FLVCR1: variants seen among roughly 807,000 people sequenced by gnomAD.
FLVCR1 encodes the protein choline/ethanolamine transporter FLVCR1.
FLVCR1 carries 34 observed loss-of-function variants against 53.6 expected under a neutral mutation model. That is an observed-to-expected ratio of 0.63 (90% CI 0.48 to 0.84). The LOEUF (loss-of-function observed/expected upper bound fraction) is 0.84, where lower values mean the gene tolerates loss of function less well. Ranked by LOEUF, FLVCR1 falls within the 40% of genes least tolerant of loss-of-function variation. The pLI is 0.00. For missense variants in FLVCR1, 677 were observed against 696.7 expected, an observed-to-expected ratio of 0.97 and a Z score of 0.32; for synonymous variants, 300 against 286.3, an observed-to-expected ratio of 1.05 and a Z score of -0.48.
At position 212,898,354 on chromosome 1, in the gene FLVCR1, G is replaced by A. The variant is rs1027348663; in HGVS notation, c.*3064G>A. ...TCAAGCAGAGTATGTCCAATCATTA[G>A]CTTCCTTTGATATTTACATTACAGG... On this transcript the variant is annotated 3_prime_UTR_variant, in exon 10 of 10. Coordinates refer to ENST00000366971, the MANE Select transcript of FLVCR1 (RefSeq NM_014053.4). 1 of 152,064 alleles carries A rather than the reference G, an allele frequency of 6.6e-6. No homozygotes were observed. The highest frequency in any genetic ancestry group is 2.4e-5 in the African/African-American group (1 of 41,408). The allele number at this position is 152,064 out of a possible 1,614,324, so 9.4% of individuals were successfully genotyped here.
chr1:212,882,150 G>A (rs1357357834), intron 3 of FLVCR1, among the ~76,000 whole-genome samples: 1 of 152,176 alleles, frequency 6.6e-6, no homozygotes, highest in East Asian at 1.9e-4. Flanking sequence ...TATATACTTA[G>A]AGAAGCTCTT....
intron 8 of FLVCR1, 36 bp from the exon 9 acceptor site, chr1:212,894,950 A>T (rs1558123492): frequency 6.9e-7 from 1 of 1,443,302 alleles, no homozygotes; most frequent in Non-Finnish European, 9.8e-7. Context: ...ATCTTCACAT[A>T]ACAGTTTATA....
chr1:212,888,663 AC>A, intron 7 of FLVCR1, 69 bp downstream of exon 7: 1 of 1,157,276 alleles, frequency 8.6e-7, no homozygotes, highest in Non-Finnish European at 1.3e-6. Context: ...AATGAGTTTG[AC>A]CATGGTTTTA....
At chr1:212,874,414 T>A (rs898911953) in intron 3 of FLVCR1, among the ~76,000 whole-genome samples, 10 of 152,364 alleles carry the variant, frequency 6.6e-5, no homozygotes, top group Non-Finnish European at 1.5e-4. Context: ...GTTATCTCCT[T>A]GTTTAGGTTA....
In FLVCR1 at chr1:212,872,710, C is replaced by G. The variant is rs1360250179; in HGVS notation, c.916C>G (p.Gln306Glu). Residue 306 changes from glutamine (Q) to glutamate (E), a missense_variant, in exon 3 of 10, where the codon CAG (glutamine) becomes GAG (glutamate). Transcript: ENST00000366971. The stretch of plus-strand genomic sequence containing the variant: ...AGAAAAACCTCGGTATCCACCAAGT[C>G]AGGCTCAAGCAGCTCTTCAAGACAG... ...FKEKPRYPPS[Q>E]AQAALQDSPP... 3 of 1,613,834 alleles carry G rather than the reference C, an allele frequency of 1.9e-6. No homozygotes were observed. The highest frequency in any genetic ancestry group is 2.7e-5 in the African/African-American group (2 of 75,022).
At chr1:212,863,517 A>T in intron 1 of FLVCR1, 1 of 500,984 alleles carries the variant, frequency 2.0e-6, no homozygotes, top group Non-Finnish European at 3.6e-6. Context: ...TGAACCTGGG[A>T]GGGAGAGGTT....
chr1:212,894,876 C>G, intron 8 of FLVCR1, 110 bp from the exon 9 acceptor site: 1 of 781,706 alleles, frequency 1.3e-6, no homozygotes, highest in South Asian at 1.4e-5. Context: ...TATTAAATAT[C>G]ATGACACTAC....
chr1:212,888,174 T>C (rs915043457), intron 6 of FLVCR1, among the ~76,000 whole-genome samples, 173 bp downstream of exon 6: 4 of 152,216 alleles, frequency 2.6e-5, no homozygotes, highest in African/African-American at 9.6e-5. Context: ...TTAAAAATTA[T>C]TTAAAATTGG....
rs575103431 is a variant in FLVCR1 at position 212,867,964 on chromosome 1, C to T, written c.883+4095C>T. Among the ~76,000 whole-genome samples the T allele has an allele frequency of 5.0e-3, 757 of 151,878 alleles. 2 individuals carry two copies. Among genetic ancestry groups the T allele is most frequent in the Non-Finnish European group, 8.0e-3 (544 of 67,934 alleles). ...GACTACAGGCACCCACCACCGCGCCCGGCTAATTTTTTGTATTTTTAGTAG... is the reference window on the plus strand; with the variant it reads ...GACTACAGGCACCCACCACCGCGCCTGGCTAATTTTTTGTATTTTTAGTAG... On this transcript the variant is annotated intron_variant, in intron 2 of 9. Coordinates refer to ENST00000366971, the MANE Select transcript of FLVCR1 (RefSeq NM_014053.4).
chr1:212,865,304 G>A (rs1283743134), intron 2 of FLVCR1, among the ~76,000 whole-genome samples: 5 of 135,242 alleles, frequency 3.7e-5, no homozygotes, highest in South Asian at 2.2e-4. Context: ...AATAGGTCCC[G>A]GTGTGTGATG....
At chr1:212,862,917 G>T (rs1472477663) in intron 1 of FLVCR1, among the ~76,000 whole-genome samples, 1 of 152,134 alleles carries the variant, frequency 6.6e-6, no homozygotes, top group East Asian at 1.9e-4. Flanking sequence ...TTTGATTCGG[G>T]CATGTTTTCA....
At chr1:212,868,596 G>A (rs1435119528) in intron 2 of FLVCR1, among the ~76,000 whole-genome samples, 7 of 151,732 alleles carry the variant, frequency 4.6e-5, no homozygotes, top group African/African-American at 7.3e-5. Flanking sequence ...TTTAGTAGAG[G>A]CAGGGTTTCT....
chr1:212,891,006 A>G (rs1665177089), intron 8 of FLVCR1, among the ~76,000 whole-genome samples: 1 of 152,240 alleles, frequency 6.6e-6, no homozygotes, highest in Non-Finnish European at 1.5e-5. Context: ...AAAATAAAAC[A>G]TACAAAACTG....
intron 3 of FLVCR1, among the ~76,000 whole-genome samples, chr1:212,878,395 G>A (rs1341897661): frequency 2.0e-5 from 3 of 151,768 alleles, no homozygotes; most frequent in Non-Finnish European, 2.9e-5. Flanking sequence ...CCAGCTACTC[G>A]GGAGGCTGAG....
chr1:212,865,071 C>T (rs1664365292), intron 2 of FLVCR1, among the ~76,000 whole-genome samples: 1 of 151,676 alleles, frequency 6.6e-6, no homozygotes, highest in African/African-American at 2.4e-5. Flanking sequence ...TATTCCTATC[C>T]TATTTTAGCA....
chr1:212,892,522 T>C (rs1212876057), intron 8 of FLVCR1, among the ~76,000 whole-genome samples: 1 of 152,206 alleles, frequency 6.6e-6, no homozygotes, highest in African/African-American at 2.4e-5. Flanking sequence ...TTTAAACCCA[T>C]TGTTGAAGCC....
intron 3 of FLVCR1, among the ~76,000 whole-genome samples, chr1:212,882,328 AT>A (rs1664952714): frequency 6.6e-6 from 1 of 152,238 alleles, no homozygotes; most frequent in African/African-American, 2.4e-5. Flanking sequence ...AACAAAAAAT[AT>A]CAACATGGAT....
Position 212,858,728 on chromosome 1 carries a change from G to A in FLVCR1, c.276G>A (p.Gly92=), listed in dbSNP as rs753708749. ...LPAGAGAETP[G]AESSPLPLTA... ...CGGGCGCGGGAGCTGAGACCCCGGG[G>A]GCCGAGAGCAGCCCGCTGCCCCTTA... Residue 92 remains glycine, a synonymous_variant, in exon 1 of 10, where the codon GGG becomes GGA. Coordinates refer to ENST00000366971, the MANE Select transcript of FLVCR1 (RefSeq NM_014053.4). The A allele has an allele frequency of 6.2e-7, 1 of 1,609,132 alleles. No homozygotes were observed. Among genetic ancestry groups the A allele is most frequent in the African/African-American group, 1.3e-5 (1 of 74,864 alleles).
At chr1:212,863,681 T>G (rs780088597) in intron 1 of FLVCR1, 44 bp from the exon 2 acceptor site, 22 of 1,599,816 alleles carry the variant, frequency 1.4e-5, no homozygotes, top group Non-Finnish European at 1.7e-5. Context: ...ATTTACTTTT[T>G]TCTCTAATGA....
Sources: gnomAD v4.1 joint callset for allele counts (sites outside exome capture counted in the v4.1 genomes callset) on GRCh38, gnomAD v4.1.1 for gene constraint, MANE v1.5 for transcripts, NCBI Gene and HGNC (gene_info 2026-07-23, HGNC 2026-07-21) for gene names.